Variants in BRCA1 observed in about 807,000 individuals in gnomAD.
BRCA1 encodes BRCA1 DNA repair associated.
Under a neutral mutation model 173.7 loss-of-function variants are expected in BRCA1, and 140 were observed. The observed-to-expected ratio is 0.81, with a 90% CI of 0.70 to 0.93. BRCA1 has a LOEUF of 0.93. Among genes scored for constraint, BRCA1 ranks in the 40% least tolerant of loss-of-function variants. BRCA1 has a pLI of 0.00. For synonymous variants in BRCA1, 662 were observed against 756.0 expected (o/e 0.88, Z 2.04); for missense variants, 1,983 against 2,172.5 (o/e 0.91, Z 1.73).
At chr17:43,064,122 C>T (rs1225133762) in intron 16 of BRCA1, among the ~76,000 whole-genome samples, 171 bp from the exon 17 acceptor site, 1 of 152,178 alleles carries the variant, frequency 6.6e-6, no homozygotes, top group Non-Finnish European at 1.5e-5. Context: ...TAATTATAAC[C>T]AGCAGGTATG....
Position 43,093,922 on chromosome 17 carries a change from T to C in BRCA1, c.1609A>G (p.Asn537Asp), listed in dbSNP as rs398122639. The C allele has an allele frequency of 9.9e-6, 16 of 1,613,880 alleles. No individual in the cohort carries two copies. In the African/African-American group the frequency reaches 2.1e-4, roughly 22 times the overall value. The change falls in exon 10 of 23, where the codon AAC becomes GAC. Residue 537 changes from asparagine to aspartate, a missense_variant. Transcript: ENST00000357654. ...KTPEMINQGT[N>D]QTEQNGQVMN... ...ACTTGACCATTCTGCTCCGTTTGGT[T>C]AGTTCCCTGATTTATCATTTCAGGA...
At chr17:43,084,046 T>C (rs1405439032) in intron 11 of BRCA1, among the ~76,000 whole-genome samples, 4 of 151,556 alleles carry the variant, frequency 2.6e-5, no homozygotes, top group Non-Finnish European at 5.9e-5. Context: ...TTTTTTTTTT[T>C]TTGAGACGGA....
chr17:43,118,058 C>T (rs2055375578), intron 2 of BRCA1, among the ~76,000 whole-genome samples: 2 of 151,058 alleles, frequency 1.3e-5, no homozygotes, highest in African/African-American at 4.9e-5. Flanking sequence ...ACAGGTAGTT[C>T]AATATCTATG....
At chr17:43,118,651 G>A (rs1367511093) in intron 2 of BRCA1, among the ~76,000 whole-genome samples, 1 of 152,024 alleles carries the variant, frequency 6.6e-6, no homozygotes, top group African/African-American at 2.4e-5. Context: ...TGCCCATGCT[G>A]GTCTTGAATG....
At position 43,104,867 on chromosome 17, in the gene BRCA1, C is replaced by G. The variant is rs587782173; in HGVS notation, c.301+1G>C. 13 of 1,612,798 alleles carry G rather than the reference C, an allele frequency of 8.1e-6. No individual in the cohort carries two copies. Among genetic ancestry groups the G allele is most frequent in the Non-Finnish European group, 1.1e-5 (13 of 1,178,920 alleles). ...TCATTCTTGGGATATTCAACACTTA[C>G]ACTCCAAACCTGTGTCAAGCTGAAA... On this transcript the variant is annotated splice_donor_variant, in intron 5 of 22. Coordinates refer to ENST00000357654, the MANE Select transcript of BRCA1 (RefSeq NM_007294.4). LOFTEE classifies it high-confidence loss of function.
At chr17:43,163,354 AC>A (rs1175780652) in intron 1 of BRCA1, 1 of 152,242 alleles carries the variant, frequency 6.6e-6, no homozygotes, top group Non-Finnish European at 1.5e-5. Context: ...CAGGGCTGGG[AC>A]CAACATGAGG....
intron 1 of BRCA1, 153 bp downstream of exon 1, chr17:43,125,118 C>CCCCCCCCCCT: frequency 2.2e-6 from 1 of 448,508 alleles, no homozygotes; most frequent in South Asian, 1.6e-5. Flanking sequence ...AACTGCCCCC[C>CCCCCCCCCCT]TCCCCAGGGT....
Position 43,076,472 on chromosome 17 carries a change from C to T in BRCA1, c.4484+16G>A, listed in dbSNP as rs1369751677. On this transcript the variant is annotated intron_variant, in intron 13 of 22. Transcript: ENST00000357654. The stretch of plus-strand genomic sequence containing the variant: ...GATGTCAGATACCACAGCATCTTTA[C>T]ATTGATGTTTCTTACCTTTCCACTC... 1 of 1,612,752 alleles carries T rather than the reference C, an allele frequency of 6.2e-7. No individual in the cohort carries two copies. Among genetic ancestry groups the T allele is most frequent in the Non-Finnish European group, 8.5e-7 (1 of 1,179,376 alleles).
intron 2 of BRCA1, among the ~76,000 whole-genome samples, chr17:43,116,023 A>G (rs1045078536): frequency 2.6e-5 from 4 of 152,172 alleles, no homozygotes; most frequent in Non-Finnish European, 2.9e-5. Flanking sequence ...GATCCCTTCA[A>G]TACTCTATAC....
At chr17:43,068,048 C>T (rs568570401) in intron 15 of BRCA1, among the ~76,000 whole-genome samples, 31 of 151,408 alleles carry the variant, frequency 2.0e-4, no homozygotes, top group Admixed American at 1.2e-3. Flanking sequence ...GAGGCTGAGG[C>T]GGGCAGATCA....
At chr17:43,127,886 C>T (rs1189870222), upstream of BRCA1, among the ~76,000 whole-genome samples, 2 of 151,636 alleles carry the variant, frequency 1.3e-5, no homozygotes, top group East Asian at 1.9e-4. Flanking sequence ...TAGCTGGGTG[C>T]GGTGGTGGGT....
In BRCA1 at chr17:43,101,666, C is replaced by G. The variant is rs2054482549; in HGVS notation, c.442-1786G>C. Among the ~76,000 whole-genome samples, 4 of 151,962 alleles carry G rather than the reference C, an allele frequency of 2.6e-5. 1 individual carries two copies. The highest frequency in any genetic ancestry group is 3.4e-3 in the Middle Eastern group (1 of 292). ...TACAGGTACGTGCCACCACACCCAG[C>G]TAATTTTTGTATTTTTAGTAGAGAT... is the stretch of plus-strand genomic sequence containing the variant. On this transcript the variant is annotated intron_variant, in intron 6 of 22. Transcript: ENST00000357654.
intron 12 of BRCA1, among the ~76,000 whole-genome samples, chr17:43,078,894 A>G (rs1169424976): frequency 6.6e-6 from 1 of 152,152 alleles, no homozygotes; most frequent in East Asian, 1.9e-4. Flanking sequence ...AACGGAATTA[A>G]CCATTGGAAA....
At chr17:43,136,129 C>T (rs745618540) in intron 1 of BRCA1, among the ~76,000 whole-genome samples, 9 of 152,162 alleles carry the variant, frequency 5.9e-5, no homozygotes, top group Admixed American at 1.3e-4. Flanking sequence ...CCGTCTCTAA[C>T]AAAGACAATG....
intron 14 of BRCA1, among the ~76,000 whole-genome samples, chr17:43,072,343 T>C (rs995869058): frequency 3.9e-4 from 59 of 151,578 alleles, no homozygotes; most frequent in African/African-American, 1.4e-3. Flanking sequence ...GAGCCGAGAT[T>C]GCGCCATTGC....
intron 3 of BRCA1, among the ~76,000 whole-genome samples, chr17:43,109,358 G>GTTATATT (rs1412973380): frequency 6.6e-6 from 1 of 152,052 alleles, no homozygotes; most frequent in Non-Finnish European, 1.5e-5. Flanking sequence ...AGCAATGAAG[G>GTTATATT]TTATATTGGA....
intron 1 of BRCA1, among the ~76,000 whole-genome samples, chr17:43,154,420 G>A (rs2056183133): frequency 6.6e-6 from 1 of 151,486 alleles, no homozygotes; most frequent in African/African-American, 2.4e-5. Flanking sequence ...GGAGGCGCAG[G>A]TTGCAGTGAG....
intron 1 of BRCA1, among the ~76,000 whole-genome samples, chr17:43,133,704 C>T (rs547873803): frequency 6.8e-6 from 1 of 147,136 alleles, no homozygotes; most frequent in Non-Finnish European, 1.5e-5. Flanking sequence ...GCATGATCTT[C>T]GCTCACTGCA....
chr17:43,139,469 G>C (rs570638564), intron 1 of BRCA1, among the ~76,000 whole-genome samples: 1 of 151,654 alleles, frequency 6.6e-6, no homozygotes, highest in African/African-American at 2.4e-5. Context: ...CCATTCTTCT[G>C]CCTCAGCCTC....
Sources: allele counts gnomAD v4.1 joint callset (sites outside exome capture counted in the v4.1 genomes callset), GRCh38; gene constraint gnomAD v4.1.1; transcripts MANE v1.5; gene names NCBI Gene and HGNC (gene_info 2026-07-23, HGNC 2026-07-21).